The following PTPRD variants were observed in gnomAD, a reference collection of about 807,000 sequenced individuals.
The protein encoded by PTPRD is receptor-type tyrosine-protein phosphatase delta.
In PTPRD, 34 loss-of-function variants were observed where a neutral mutation model predicts 214.5. The observed-to-expected ratio is 0.16, with a 90% CI of 0.12 to 0.21. PTPRD has a LOEUF of 0.21. PTPRD is among the 10% of genes least tolerant of loss of function. The probability of loss-of-function intolerance (pLI) is 1.00; values close to 1 mark genes in which losing one functional copy is unlikely to be tolerated. For missense variants in PTPRD, 2,545 were observed against 2,398.7 expected (o/e 1.06, Z -1.27); for synonymous variants, 1,128 against 845.7 (o/e 1.33, Z -5.79).
chr9:9,720,095 G>A (rs1291085770), intron 7 of PTPRD, among the ~76,000 whole-genome samples: 1 of 152,154 alleles, frequency 6.6e-6, no homozygotes, highest in Non-Finnish European at 1.5e-5. Flanking sequence ...CAGCAGGCAT[G>A]AGCAAAACTC....
chr9:9,072,446 G>A (rs2099745142), intron 10 of PTPRD, among the ~76,000 whole-genome samples: 1 of 152,082 alleles, frequency 6.6e-6, no homozygotes, highest in Non-Finnish European at 1.5e-5. Context: ...AAACCACTGG[G>A]TAGAGCAGAT....
At chr9:10,112,336 G>C (rs1285121423) in intron 3 of PTPRD, among the ~76,000 whole-genome samples, 2 of 152,146 alleles carry the variant, frequency 1.3e-5, no homozygotes, top group African/African-American at 4.8e-5. Context: ...AGGCTCATTA[G>C]TGACAGATAC....
chr9:8,802,956 G>C (rs1283635505), intron 11 of PTPRD, among the ~76,000 whole-genome samples: 1 of 152,106 alleles, frequency 6.6e-6, no homozygotes, highest in Non-Finnish European at 1.5e-5. Flanking sequence ...GGAGGCTGAG[G>C]TTAGGAGGAT....
intron 7 of PTPRD, among the ~76,000 whole-genome samples, chr9:9,675,581 A>G (rs1327096098): frequency 6.6e-6 from 1 of 151,958 alleles, no homozygotes; most frequent in Non-Finnish European, 1.5e-5. Context: ...GTAGATTAAA[A>G]TAACATTTTA....
intron 10 of PTPRD, among the ~76,000 whole-genome samples, chr9:9,051,965 G>C (rs997789769): frequency 3.3e-5 from 5 of 152,158 alleles, no homozygotes; most frequent in Non-Finnish European, 7.3e-5. Context: ...TAAGGCAACT[G>C]TTTTACTTAT....
chr9:10,462,574 T>G (rs139696897), intron 2 of PTPRD, among the ~76,000 whole-genome samples: 1 of 152,100 alleles, frequency 6.6e-6, no homozygotes, highest in Admixed American at 6.6e-5. Context: ...AAAAACTATC[T>G]TGGGGGAAAT....
intron 9 of PTPRD, among the ~76,000 whole-genome samples, chr9:9,248,018 T>C (rs891882237): frequency 6.6e-6 from 1 of 152,086 alleles, no homozygotes; most frequent in Non-Finnish European, 1.5e-5. Context: ...TCTCTTGCAG[T>C]ACACTGTAGG....
chr9:10,582,957 T>A (rs2072501376), intron 2 of PTPRD, among the ~76,000 whole-genome samples: 1 of 151,958 alleles, frequency 6.6e-6, no homozygotes, highest in African/African-American at 2.4e-5. Flanking sequence ...GAGGAAAAAA[T>A]AGAAGTGTAT....
At chr9:8,705,347 G>A (rs2098183101) in intron 12 of PTPRD, among the ~76,000 whole-genome samples, 2 of 152,170 alleles carry the variant, frequency 1.3e-5, no homozygotes, top group South Asian at 4.1e-4. Context: ...AGCCTCCCGA[G>A]TAGCTGGGAT....
intron 14 of PTPRD, among the ~76,000 whole-genome samples, chr9:8,574,105 T>C (rs368852973): frequency 2.6e-5 from 4 of 152,036 alleles, no homozygotes; most frequent in African/African-American, 9.6e-5. Flanking sequence ...AACCTATTAA[T>C]ACCTACAGAT....
chr9:9,470,767 C>T (rs2094531529), intron 8 of PTPRD, among the ~76,000 whole-genome samples: 1 of 152,154 alleles, frequency 6.6e-6, no homozygotes, highest in Non-Finnish European at 1.5e-5. Flanking sequence ...ACAAGAGCCT[C>T]CTTCATCATT....
At chr9:9,715,618 T>C (rs2097805956) in intron 7 of PTPRD, among the ~76,000 whole-genome samples, 1 of 152,154 alleles carries the variant, frequency 6.6e-6, no homozygotes, top group African/African-American at 2.4e-5. Flanking sequence ...AACCCTCAAC[T>C]TCAAATAGAA....
chr9:8,693,949 G>A lies in PTPRD; in HGVS notation c.64+39831C>T, dbSNP rs185382656. ...TTGAGAAGCACTGAAAGATGCAGAT[G>A]TTTTAATAATTTAAAAGTAGATAAT... On this transcript the variant is annotated intron_variant, in intron 12 of 45. Transcript: ENST00000381196. 6.2e-4 allele frequency among the ~76,000 whole-genome samples: 94 copies of A among 152,290 alleles called. 1 individual carries two copies. The highest frequency in any genetic ancestry group is 2.2e-3 in the African/African-American group (90 of 41,574).
intron 11 of PTPRD, among the ~76,000 whole-genome samples, chr9:8,823,790 A>G (rs1193651413): frequency 6.6e-6 from 1 of 152,212 alleles, no homozygotes; most frequent in Non-Finnish European, 1.5e-5. Context: ...TTTGCGCGAG[A>G]AAAGATTAAC....
chr9:8,504,124 T>C lies in PTPRD; in HGVS notation c.1822+137A>G. The C allele has an allele frequency of 3.7e-6, 3 of 806,828 alleles. No individual in the cohort carries two copies. The Admixed American group carries it at 7.6e-5, about 21-fold the overall frequency. 50.0% of individuals were successfully genotyped at this position (806,828 alleles called of 1,614,324 possible). A position where few individuals can be genotyped will look rare whatever the true frequency, so the allele number is the denominator to read the frequency against. ...AAGAAGTCACAGTTACACTTTCACCTGTGAAGTGTGATGCATACTAACCTA... is the reference window on the plus strand; with the variant it reads ...AAGAAGTCACAGTTACACTTTCACCCGTGAAGTGTGATGCATACTAACCTA... On this transcript the variant is annotated intron_variant, in intron 23 of 45. Coordinates refer to ENST00000381196, the MANE Select transcript of PTPRD (RefSeq NM_002839.4).
At chr9:10,438,845 G>T (rs1180878187) in intron 2 of PTPRD, among the ~76,000 whole-genome samples, 1 of 151,638 alleles carries the variant, frequency 6.6e-6, no homozygotes, top group East Asian at 1.9e-4. Flanking sequence ...GTGTTTGATG[G>T]GTAGCTGTCT....
chr9:9,860,356 T>C (rs2153689078), intron 5 of PTPRD, among the ~76,000 whole-genome samples: 1 of 152,366 alleles, frequency 6.6e-6, no homozygotes, highest in African/African-American at 2.4e-5. Context: ...GGAGGAATTC[T>C]GTTTCTTTCT....
chr9:9,234,134 A>G (rs555837357), intron 9 of PTPRD, among the ~76,000 whole-genome samples: 21 of 152,168 alleles, frequency 1.4e-4, no homozygotes, highest in Non-Finnish European at 2.1e-4. Flanking sequence ...AGGCATTTCC[A>G]TACATGATCT....
intron 5 of PTPRD, among the ~76,000 whole-genome samples, chr9:9,849,017 A>C (rs191629810): frequency 6.6e-6 from 1 of 151,814 alleles, no homozygotes; most frequent in East Asian, 1.9e-4. Context: ...TTACCCGAAA[A>C]ACAGGGTGTG....
Sources: gnomAD v4.1 joint callset for allele counts (sites outside exome capture counted in the v4.1 genomes callset) on GRCh38, gnomAD v4.1.1 for gene constraint, MANE v1.5 for transcripts, NCBI Gene and HGNC (gene_info 2026-07-23, HGNC 2026-07-21) for gene names.